MRPL14: variants seen among roughly 807,000 people sequenced by gnomAD.
The protein encoded by MRPL14 is mitochondrial ribosomal protein L14.
Under a neutral mutation model 10.9 loss-of-function variants are expected in MRPL14, and 8 were observed. That is an observed-to-expected ratio of 0.74 (90% CI 0.43 to 1.33). MRPL14 has a LOEUF of 1.33. Ranked by LOEUF, MRPL14 falls within the 40% of genes most tolerant of loss-of-function variation. The pLI is 0.01. For missense variants in MRPL14, 179 were observed against 194.5 expected, an observed-to-expected ratio of 0.92 and a Z score of 0.47; for synonymous variants, 82 against 74.1, an observed-to-expected ratio of 1.11 and a Z score of -0.54.
chr6:44,116,555 G>C lies in MRPL14; in HGVS notation c.57C>G (p.Ser19Arg), dbSNP rs753402757. 2 of 1,614,098 alleles carry C rather than the reference G, an allele frequency of 1.2e-6. No individual in the cohort carries two copies. The highest frequency in any genetic ancestry group is 1.7e-6 in the Non-Finnish European group (2 of 1,179,978). Residue 19 changes from serine (S) to arginine (R), a missense_variant, in exon 2 of 3, where the codon AGC becomes AGG. Physicochemically the swap from Ser to Arg is moderately radical, Grantham distance 110 (BLOSUM62 -1). Coordinates refer to ENST00000372014, the MANE Select transcript of MRPL14 (RefSeq NM_032111.4). ...GPFTCVSRVL[S>R]HHCFSTTGSL... ...GGAAAAGTTACCTGAAACAGTGATG[G>C]CTCAGCACTCTGCTTACACAGGTGA...
intron 1 of MRPL14, 106 bp from the exon 2 acceptor site, chr6:44,116,735 A>G: frequency 2.8e-6 from 2 of 721,084 alleles, no homozygotes; most frequent in East Asian, 5.2e-5. Context: ...GCACAAGATC[A>G]TTAGTCACAA....
chr6:44,117,841 T>TG (rs1776010104), intron 1 of MRPL14, among the ~76,000 whole-genome samples: 5 of 25,634 alleles, frequency 2.0e-4, no homozygotes, highest in East Asian at 5.1e-3. Context: ...ATTTTTTGTG[T>TG]TTTTTTTTTT....
At chr6:44,119,726 A>G (rs570498260) in intron 1 of MRPL14, among the ~76,000 whole-genome samples, 2 of 152,218 alleles carry the variant, frequency 1.3e-5, no homozygotes, top group Admixed American at 6.5e-5. Context: ...CAACAAAACA[A>G]AACTTCTGAA....
At chr6:44,118,912 C>T (rs1171908017) in intron 1 of MRPL14, among the ~76,000 whole-genome samples, 1 of 152,040 alleles carries the variant, frequency 6.6e-6, no homozygotes, top group Non-Finnish European at 1.5e-5. Flanking sequence ...TGCGGTGAGC[C>T]GAGATCGCAT....
At chr6:44,126,619 C>T (rs536691099) in intron 1 of MRPL14, among the ~76,000 whole-genome samples, 5 of 152,214 alleles carry the variant, frequency 3.3e-5, no homozygotes, top group African/African-American at 1.2e-4. Flanking sequence ...AATTCAGTCC[C>T]GTCCGTCTCT....
chr6:44,116,655 A>T (rs754584999), intron 1 of MRPL14, 26 bp from the exon 2 acceptor site: 1 of 1,573,674 alleles, frequency 6.4e-7, no homozygotes, highest in African/African-American at 1.4e-5. Flanking sequence ...GAGGGGGAAA[A>T]ATTGGTTTCT....
intron 1 of MRPL14, among the ~76,000 whole-genome samples, chr6:44,120,111 C>G (rs997721858): frequency 6.6e-6 from 1 of 152,154 alleles, no homozygotes; most frequent in African/African-American, 2.4e-5. Flanking sequence ...TCTCCACAAC[C>G]AACACTCATC....
At chr6:44,121,979 C>G (rs1237012568) in intron 1 of MRPL14, among the ~76,000 whole-genome samples, 2 of 151,800 alleles carry the variant, frequency 1.3e-5, no homozygotes, top group Non-Finnish European at 2.9e-5. Flanking sequence ...CAACCTCCAG[C>G]TCCAGAGAGG....
chr6:44,121,899 A>C (rs13191292), intron 1 of MRPL14, among the ~76,000 whole-genome samples: 2 of 149,864 alleles, frequency 1.3e-5, no homozygotes, highest in African/African-American at 2.5e-5. Flanking sequence ...AGATCACACC[A>C]CTGCACTCCA....
At chr6:44,117,840 G>GGTTTTTTTTTTTTTTT (rs1250385139) in intron 1 of MRPL14, among the ~76,000 whole-genome samples, 1 of 75,346 alleles carries the variant, frequency 1.3e-5, no homozygotes, top group African/African-American at 5.3e-5. Context: ...AATTTTTTGT[G>GGTTTTTTTTTTTTTTT]TTTTTTTTTT....
At chr6:44,125,067 G>A (rs920938437) in intron 1 of MRPL14, among the ~76,000 whole-genome samples, 1 of 152,176 alleles carries the variant, frequency 6.6e-6, no homozygotes, top group Non-Finnish European at 1.5e-5. Flanking sequence ...CCTGAAAAGT[G>A]GACTCCAGGG....
At chr6:44,115,080 G>A (rs1273072767) in intron 2 of MRPL14, among the ~76,000 whole-genome samples, 10 of 152,008 alleles carry the variant, frequency 6.6e-5, no homozygotes, top group Admixed American at 6.6e-4. Context: ...ACTTATTGAA[G>A]GCAGACAAGG....
At position 44,114,225 on chromosome 6, in the gene MRPL14, A is replaced by C. The variant is rs544994594; in HGVS notation, c.72-16T>G. The C allele has an allele frequency of 5.0e-5, 80 of 1,596,510 alleles. No homozygotes were observed. The highest frequency in any genetic ancestry group is 8.6e-5 in the Admixed American group (5 of 58,152). On this transcript the variant is annotated splice_polypyrimidine_tract_variant and intron_variant, in intron 2 of 2. Transcript: ENST00000372014. Reference sequence around the variant, plus strand: ...CCCAGTGGTGCTGGTGGGAGGAAAAAAAAAAGTCTGCAGTCTGTATCTCTT... The same window carrying C: ...CCCAGTGGTGCTGGTGGGAGGAAAACAAAAAGTCTGCAGTCTGTATCTCTT...
chr6:44,120,593 C>T (rs976719142), intron 1 of MRPL14, among the ~76,000 whole-genome samples: 1 of 152,176 alleles, frequency 6.6e-6, no homozygotes, highest in Non-Finnish European at 1.5e-5. Context: ...GTTAGCATTC[C>T]TATGAACTTG....
Position 44,113,969 on chromosome 6 carries a change from G to A in MRPL14, c.312C>T (p.Asn104=), listed in dbSNP as rs778710647. ...PRMTPRFDSN[N]VVLIEDNGNP... is the part of the protein sequence containing the mutation. Reference sequence around the variant, plus strand: ...TCCCGTTGTCCTCAATGAGGACCACGTTGTTGGAGTCGAATCTGGGGGTCA... The same window carrying A: ...TCCCGTTGTCCTCAATGAGGACCACATTGTTGGAGTCGAATCTGGGGGTCA... Residue 104 remains asparagine (N), a synonymous_variant, in exon 3 of 3, where the codon AAC becomes AAT. Coordinates refer to ENST00000372014, the MANE Select transcript of MRPL14 (RefSeq NM_032111.4). The A allele has an allele frequency of 1.2e-5, 20 of 1,613,986 alleles. No individual in the cohort carries two copies. Among genetic ancestry groups the A allele is most frequent in the South Asian group, 3.3e-5 (3 of 91,086 alleles).
intron 1 of MRPL14, chr6:44,127,022 C>T (rs1777168399): frequency 6.6e-6 from 1 of 152,260 alleles, no homozygotes; most frequent in African/African-American, 2.4e-5. Flanking sequence ...CCAGCGACGG[C>T]TGAACGCAGC....
intron 1 of MRPL14, among the ~76,000 whole-genome samples, chr6:44,120,467 T>G (rs1034872806): frequency 6.6e-6 from 1 of 152,190 alleles, no homozygotes; most frequent in Admixed American, 6.5e-5. Flanking sequence ...AAGAGTGATA[T>G]ATTCATGTCT....
intron 1 of MRPL14, among the ~76,000 whole-genome samples, chr6:44,125,097 C>T (rs757239028): frequency 6.6e-6 from 1 of 152,176 alleles, no homozygotes; most frequent in Non-Finnish European, 1.5e-5. Flanking sequence ...TGTTGTTATC[C>T]ACCCCGCCCC....
At chr6:44,122,034 A>C (rs756455455) in intron 1 of MRPL14, among the ~76,000 whole-genome samples, 1 of 150,926 alleles carries the variant, frequency 6.6e-6, no homozygotes, top group Non-Finnish European at 1.5e-5. Flanking sequence ...CCCTTCACCC[A>C]GGCTCCCAGT....
Sources: allele counts gnomAD v4.1 joint callset (sites outside exome capture counted in the v4.1 genomes callset), GRCh38; gene constraint gnomAD v4.1.1; transcripts MANE v1.5; gene names NCBI Gene and HGNC (gene_info 2026-07-23, HGNC 2026-07-21).